ANOS1: variants seen among roughly 807,000 people sequenced by gnomAD.
ANOS1 encodes the protein anosmin 1.
In ANOS1, 6 loss-of-function variants were observed where a neutral mutation model predicts 59.0. That is an observed-to-expected ratio of 0.10 (90% CI 0.06 to 0.20). ANOS1 has a LOEUF of 0.20. Among genes scored for constraint, ANOS1 ranks in the 10% least tolerant of loss-of-function variants. The pLI is 1.00. For missense variants in ANOS1, 433 were observed against 542.3 expected, an observed-to-expected ratio of 0.80 and a Z score of 2.00; for synonymous variants, 217 against 223.4, an observed-to-expected ratio of 0.97 and a Z score of 0.25.
intron 1 of ANOS1, among the ~76,000 whole-genome samples, chrX:8,717,644 G>A (rs1188220892): frequency 9.0e-6 from 1 of 111,712 alleles, no homozygotes; most frequent in East Asian, 2.8e-4. Context: ...TAGAAAGGGA[G>A]AGGGAAGAGG....
chrX:8,606,242 C>G (rs1222892623), intron 3 of ANOS1, among the ~76,000 whole-genome samples: 1 of 111,681 alleles, frequency 9.0e-6, no homozygotes, highest in Non-Finnish European at 1.9e-5. Flanking sequence ...ATTAAATTTA[C>G]AAAATTAAGC....
intron 6 of ANOS1, among the ~76,000 whole-genome samples, chrX:8,574,153 C>T (rs1930280096): frequency 9.0e-6 from 1 of 110,764 alleles, no homozygotes; most frequent in African/African-American, 3.3e-5. Context: ...GGTTCCCATG[C>T]TGTTTCTTGG....
At chrX:8,584,390 G>A (rs368782255) in intron 6 of ANOS1, among the ~76,000 whole-genome samples, 1 of 108,907 alleles carries the variant, frequency 9.2e-6, no homozygotes, top group African/African-American at 3.4e-5. Context: ...GCCTCCCTGA[G>A]GAGAAAAAAA....
intron 9 of ANOS1, among the ~76,000 whole-genome samples, chrX:8,551,300 T>C (rs945896304): frequency 1.8e-5 from 2 of 111,630 alleles, no homozygotes; most frequent in African/African-American, 6.5e-5. Context: ...ACATAGAGAA[T>C]ACTAAACCTA....
intron 2 of ANOS1, among the ~76,000 whole-genome samples, chrX:8,682,948 A>G: frequency 9.0e-6 from 1 of 111,652 alleles, no homozygotes; most frequent in Admixed American, 9.6e-5. Context: ...GAATCCTCTT[A>G]GAAATGCAGA....
At chrX:8,534,587 T>G in intron 12 of ANOS1, 127 bp from the exon 13 acceptor site, 1 of 646,867 alleles carries the variant, frequency 1.5e-6, no homozygotes, top group Non-Finnish European at 2.5e-6. Flanking sequence ...TTGGTTGCTT[T>G]GTAAAGGCAT....
chrX:8,536,627 C>G lies in ANOS1; in HGVS notation c.1621+144G>C, dbSNP rs757449120. 5.9e-6 allele frequency: 3 copies of G among 507,636 alleles called. No individual in the cohort carries two copies. In the African/African-American group the frequency reaches 7.0e-5, roughly 12 times the overall value. 41.8% of individuals were successfully genotyped at this position (507,636 alleles called of 1,213,427 possible). A position where few individuals can be genotyped will look rare whatever the true frequency, so the allele number is the denominator to read the frequency against. ...ACACATTCATTCCTACATCTCTTCCCTCCACATTGGGCCATCATAACACAA... is the reference window on the plus strand; with the variant it reads ...ACACATTCATTCCTACATCTCTTCCGTCCACATTGGGCCATCATAACACAA... On this transcript the variant is annotated intron_variant, in intron 11 of 13. Coordinates refer to ENST00000262648, the MANE Select transcript of ANOS1 (RefSeq NM_000216.4).
intron 13 of ANOS1, among the ~76,000 whole-genome samples, chrX:8,533,598 T>TA (rs1406446867): frequency 9.0e-6 from 1 of 110,882 alleles, no homozygotes; most frequent in Admixed American, 9.6e-5. Context: ...GACACTTTTT[T>TA]AAAAAATTTA....
intron 9 of ANOS1, among the ~76,000 whole-genome samples, chrX:8,550,501 T>C (rs1222847298): frequency 9.0e-6 from 1 of 111,125 alleles, no homozygotes; most frequent in Non-Finnish European, 1.9e-5. Flanking sequence ...AATTCAAATA[T>C]GTATATAAAA....
At chrX:8,700,624 T>C (rs961929252) in intron 1 of ANOS1, among the ~76,000 whole-genome samples, 1 of 112,289 alleles carries the variant, frequency 8.9e-6, no homozygotes, top group Non-Finnish European at 1.9e-5. Flanking sequence ...ATGCCTCAGT[T>C]TATCCATCAG....
intron 7 of ANOS1, among the ~76,000 whole-genome samples, chrX:8,568,967 C>T (rs1380178591): frequency 8.9e-6 from 1 of 111,800 alleles, no homozygotes; most frequent in East Asian, 2.8e-4. Context: ...CACCACCTCT[C>T]GAAGGAAAGG....
chrX:8,712,256 T>C (rs367947592), intron 1 of ANOS1, among the ~76,000 whole-genome samples: 2 of 112,258 alleles, frequency 1.8e-5, no homozygotes, highest in Non-Finnish European at 3.8e-5. Flanking sequence ...TCTCTGCATG[T>C]CTGTGTTAAA....
chrX:8,562,577 A>G (rs756984654), intron 8 of ANOS1, among the ~76,000 whole-genome samples: 11 of 112,385 alleles, frequency 9.8e-5, no homozygotes, highest in Non-Finnish European at 1.7e-4. Flanking sequence ...CAAAGATCCA[A>G]GTTTTGATTA....
chrX:8,698,353 C>A (rs886185115), intron 2 of ANOS1, among the ~76,000 whole-genome samples: 4 of 111,779 alleles, frequency 3.6e-5, no homozygotes, highest in Non-Finnish European at 7.5e-5. Flanking sequence ...TATAAGTCTG[C>A]AAAAGATAAT....
At chrX:8,626,017 C>G (rs1265281221) in intron 2 of ANOS1, among the ~76,000 whole-genome samples, 1 of 99,474 alleles carries the variant, frequency 1.0e-5, no homozygotes, top group African/African-American at 3.7e-5. Context: ...GAAGCCAAGG[C>G]AGGAAAATTG....
At chrX:8,541,433 C>CA (rs1329692666) in intron 9 of ANOS1, among the ~76,000 whole-genome samples, 21 of 82,244 alleles carry the variant, frequency 2.6e-4, no homozygotes, top group Admixed American at 4.2e-4. Context: ...AACAAAAAAA[C>CA]AAAAAAATAA....
Position 8,623,670 on chromosome X carries a change from AC to A in ANOS1, c.256-1del. 8.5e-7 allele frequency: 1 copy of A among 1,180,520 alleles called. No individual in the cohort carries two copies. Among genetic ancestry groups the A allele is most frequent in the Non-Finnish European group, 1.2e-6 (1 of 867,755 alleles). ...CCTGATTCCTTGCAGGGCTCCAGGC[AC>A]TGGAAGAGAGGAACAATAAAAATAA... On this transcript the variant is annotated splice_acceptor_variant, in intron 2 of 13. Coordinates refer to ENST00000262648, the MANE Select transcript of ANOS1 (RefSeq NM_000216.4). LOFTEE classifies it high-confidence loss of function.
rs184689386 is a variant in ANOS1 at position 8,594,764 on chromosome X, A to T, written c.541+2270T>A. The stretch of plus-strand genomic sequence containing the variant: ...TATATATATATACATATATATATAT[A>T]TATTTTTTTTTTGCAAAATAACAAT... On this transcript the variant is annotated intron_variant, in intron 4 of 13. Coordinates refer to ENST00000262648, the MANE Select transcript of ANOS1 (RefSeq NM_000216.4). Among the ~76,000 whole-genome samples, 731 of 74,496 alleles carry T rather than the reference A, an allele frequency of 9.8e-3. 31 individuals are homozygous for T. Among genetic ancestry groups the T allele is most frequent in the African/African-American group, 0.034 (670 of 19,896 alleles). The allele number at this position is 74,496 out of a possible 115,157, so 64.7% of individuals were successfully genotyped here. A position where few individuals can be genotyped will look rare whatever the true frequency, so the allele number is the denominator to read the frequency against.
At chrX:8,674,481 C>T (rs1218873674) in intron 2 of ANOS1, among the ~76,000 whole-genome samples, 1 of 111,993 alleles carries the variant, frequency 8.9e-6, no homozygotes, top group Non-Finnish European at 1.9e-5. Flanking sequence ...ATTGCTTTAT[C>T]GTCTCTTTAA....
Sources: allele counts gnomAD v4.1 joint callset (sites outside exome capture counted in the v4.1 genomes callset), GRCh38; gene constraint gnomAD v4.1.1; transcripts MANE v1.5; gene names NCBI Gene and HGNC (gene_info 2026-07-23, HGNC 2026-07-21).